Variants in GPR89A observed in about 807,000 individuals in gnomAD.
GPR89A encodes golgi pH regulator A.
GPR89A carries 16 observed loss-of-function variants against 52.0 expected under a neutral mutation model. That is an observed-to-expected ratio of 0.31 (90% confidence interval 0.21 to 0.47). GPR89A has a LOEUF of 0.47. GPR89A is among the 20% of genes least tolerant of loss of function. GPR89A has a pLI of 1.00. For missense variants in GPR89A, 135 were observed against 449.4 expected, an observed-to-expected ratio of 0.30 and a Z score of 6.33; for synonymous variants, 55 against 150.9, an observed-to-expected ratio of 0.36 and a Z score of 4.66.
At chr1:145,628,222 T>C (rs1312527522) in intron 5 of GPR89A, among the ~76,000 whole-genome samples, 1 of 151,890 alleles carries the variant, frequency 6.6e-6, no homozygotes, top group Admixed American at 6.6e-5. Flanking sequence ...GGGAAATTGG[T>C]GAGATCACCT....
At chr1:145,623,471 A>G in intron 4 of GPR89A, 142 bp from the exon 5 acceptor site, 1 of 677,760 alleles carries the variant, frequency 1.5e-6, no homozygotes. Context: ...GGATGCTTTC[A>G]CTAAAAATTA....
chr1:145,646,526 A>C, intron 9 of GPR89A: 1 of 468,320 alleles, frequency 2.1e-6, no homozygotes, highest in East Asian at 4.0e-5. Context: ...ACATTTAGGA[A>C]GGTGGCACGT....
intron 12 of GPR89A, among the ~76,000 whole-genome samples, chr1:145,668,162 A>G (rs1320619051): frequency 6.6e-6 from 1 of 152,128 alleles, no homozygotes; most frequent in Non-Finnish European, 1.5e-5. Context: ...TACCTTGGGC[A>G]GTATGGCCAT....
intron 10 of GPR89A, among the ~76,000 whole-genome samples, chr1:145,651,332 A>T (rs1339134171): frequency 6.6e-6 from 1 of 151,130 alleles, no homozygotes; most frequent in Admixed American, 6.6e-5. Flanking sequence ...TGAGTTCTCT[A>T]TTCTGTTCCA....
At chr1:145,643,155 T>TTTTG (rs1293679105) in intron 7 of GPR89A, among the ~76,000 whole-genome samples, 1 of 151,294 alleles carries the variant, frequency 6.6e-6, no homozygotes, top group African/African-American at 2.4e-5. Flanking sequence ...AGCTGGTTTT[T>TTTTG]TTTGTTTGTT....
At chr1:145,634,328 A>C (rs868943886) in intron 7 of GPR89A, among the ~76,000 whole-genome samples, 558 of 149,938 alleles carry the variant, frequency 3.7e-3, no homozygotes, top group African/African-American at 0.013. Flanking sequence ...TGATCTGCCC[A>C]CCTTGGCCTC....
intron 2 of GPR89A, among the ~76,000 whole-genome samples, chr1:145,617,429 A>G (rs1553687247): frequency 1.3e-5 from 2 of 151,762 alleles, no homozygotes; most frequent in African/African-American, 4.9e-5. Flanking sequence ...AGTTAACGCA[A>G]TCATCACAGG....
chr1:145,666,993 G>A (rs1162051145), intron 12 of GPR89A, among the ~76,000 whole-genome samples: 1 of 151,872 alleles, frequency 6.6e-6, no homozygotes, highest in Non-Finnish European at 1.5e-5. Flanking sequence ...TTGCTATTGT[G>A]AATAGAGTAT....
chr1:145,614,460 G>T (rs1318875544), intron 1 of GPR89A, among the ~76,000 whole-genome samples: 2 of 152,172 alleles, frequency 1.3e-5, no homozygotes, highest in African/African-American at 4.8e-5. Context: ...AGCATAGCAC[G>T]TAGGAGTTAT....
intron 8 of GPR89A, 139 bp from the exon 9 acceptor site, chr1:145,646,045 C>T (rs2624753): frequency 1.5e-6 from 2 of 1,337,290 alleles, no homozygotes; most frequent in Admixed American, 1.8e-5. Flanking sequence ...TGAAGTAGCG[C>T]TGCTGGCTAT....
intron 2 of GPR89A, 117 bp from the exon 3 acceptor site, chr1:145,618,203 T>G: frequency 6.5e-7 from 1 of 1,541,138 alleles, no homozygotes; most frequent in Non-Finnish European, 8.8e-7. Context: ...GTGGCCCTAC[T>G]TCCAATGACT....
chr1:145,666,844 G>A (rs1652597476), intron 12 of GPR89A, among the ~76,000 whole-genome samples: 1 of 151,758 alleles, frequency 6.6e-6, no homozygotes, highest in African/African-American at 2.4e-5. Flanking sequence ...GAGAATGATG[G>A]TTTCCAGCTT....
At chr1:145,649,697 G>GTAA (rs1553693244) in intron 10 of GPR89A, among the ~76,000 whole-genome samples, 1 of 151,084 alleles carries the variant, frequency 6.6e-6, no homozygotes, top group Admixed American at 6.6e-5. Context: ...TATGGCAGAT[G>GTAA]TAATGTTTAA....
chr1:145,617,476 G>A (rs1185206392), intron 2 of GPR89A, among the ~76,000 whole-genome samples: 2 of 151,742 alleles, frequency 1.3e-5, no homozygotes, highest in Non-Finnish European at 2.9e-5. Flanking sequence ...TTACAAAGAT[G>A]ACGGGATTAA....
chr1:145,613,112 C>G (rs587593858), intron 1 of GPR89A, among the ~76,000 whole-genome samples: 17 of 151,404 alleles, frequency 1.1e-4, no homozygotes, highest in Non-Finnish European at 2.1e-4. Flanking sequence ...CAGATACTTG[C>G]TGGATATCTT....
At chr1:145,648,258 G>A (rs1203783547) in intron 10 of GPR89A, among the ~76,000 whole-genome samples, 6 of 151,944 alleles carry the variant, frequency 3.9e-5, no homozygotes, top group Non-Finnish European at 8.8e-5. Flanking sequence ...TTGTGTTTGT[G>A]CAAAGAGGAG....
intron 7 of GPR89A, among the ~76,000 whole-genome samples, chr1:145,634,226 C>T (rs1476626346): frequency 5.3e-5 from 8 of 151,684 alleles, no homozygotes; most frequent in South Asian, 2.1e-4. Flanking sequence ...ATTATAGGTG[C>T]GCACCACCAC....
chr1:145,643,210 G>A (rs1352320059), intron 7 of GPR89A, among the ~76,000 whole-genome samples: 3 of 151,838 alleles, frequency 2.0e-5, no homozygotes, highest in Admixed American at 2.0e-4. Context: ...CTGTCACCTG[G>A]GCTGGCGTGC....
intron 10 of GPR89A, among the ~76,000 whole-genome samples, chr1:145,656,925 T>C (rs1165251618): frequency 3.9e-5 from 6 of 152,110 alleles, no homozygotes; most frequent in African/African-American, 1.5e-4. Context: ...TAAATTCTTT[T>C]ACTGCATCTA....
Sources: gnomAD v4.1 joint callset for allele counts (sites outside exome capture counted in the v4.1 genomes callset) on GRCh38, gnomAD v4.1.1 for gene constraint, MANE v1.5 for transcripts, NCBI Gene and HGNC (gene_info 2026-07-23, HGNC 2026-07-21) for gene names.